Variants in SOX6 observed in about 807,000 individuals in gnomAD.
The protein encoded by SOX6 is transcription factor SOX-6.
SOX6 carries 11 observed loss-of-function variants against 97.8 expected under a neutral mutation model. The observed-to-expected ratio is 0.11, with a 90% CI of 0.07 to 0.19. SOX6 has a LOEUF of 0.19. Ranked by LOEUF, SOX6 falls within the 10% of genes least tolerant of loss-of-function variation. The pLI, the probability that SOX6 is intolerant of heterozygous loss-of-function variation, is 1.00. For missense variants in SOX6, 810 were observed against 1,039.5 expected (o/e 0.78, Z 3.04); for synonymous variants, 360 against 371.4 (o/e 0.97, Z 0.35).
At chr11:16,338,264 A>G (rs981489558) in intron 2 of SOX6, among the ~76,000 whole-genome samples, 5 of 152,064 alleles carry the variant, frequency 3.3e-5, no homozygotes, top group Non-Finnish European at 5.9e-5. Flanking sequence ...GATTTCATAA[A>G]CATGTTTTTG....
intron 1 of SOX6, chr11:16,408,683 T>C (rs1183045927): frequency 6.6e-6 from 1 of 151,900 alleles, no homozygotes; most frequent in East Asian, 1.9e-4. Context: ...AAATTACATG[T>C]GAAGCCACAC....
At chr11:16,506,922 G>A (rs2133148146) in intron 4 of SOX6, among the ~76,000 whole-genome samples, 1 of 152,214 alleles carries the variant, frequency 6.6e-6, no homozygotes, top group Middle Eastern at 3.4e-3. Context: ...AAAGTAGCCA[G>A]GCATGGTGGC....
intron 13 of SOX6, among the ~76,000 whole-genome samples, chr11:15,991,377 G>A (rs184543975): frequency 2.0e-5 from 3 of 152,230 alleles, no homozygotes; most frequent in Admixed American, 1.3e-4. Context: ...CTGACTGCTG[G>A]GCCAGATGAA....
At chr11:16,680,146 A>T (rs1208471038) in intron 3 of SOX6, among the ~76,000 whole-genome samples, 1 of 152,168 alleles carries the variant, frequency 6.6e-6, no homozygotes, top group East Asian at 1.9e-4. Context: ...GCACCCCAAG[A>T]CACATAATTT....
In SOX6 at chr11:16,328,764, T is replaced by C. The variant is rs570952462; in HGVS notation, c.238-10111A>G. Among the ~76,000 whole-genome samples the C allele has an allele frequency of 5.9e-5, 9 of 152,310 alleles. No individual in the cohort carries two copies. In the East Asian group the frequency reaches 1.5e-3, roughly 26 times the overall value. ...CTGACAGAAAAGATTTCGGTTCCAA[T>C]AACTTCTTGCTAACAAAGGAAATCT... On this transcript the variant is annotated intron_variant, in intron 2 of 15. Transcript: ENST00000683767.
chr11:16,100,008 G>A (rs1848903430), intron 7 of SOX6, among the ~76,000 whole-genome samples: 1 of 151,740 alleles, frequency 6.6e-6, no homozygotes, highest in South Asian at 2.1e-4. Flanking sequence ...ACAAGGACAA[G>A]GCAGGAGGGG....
chr11:15,984,977 T>C (rs1014048830), intron 15 of SOX6, among the ~76,000 whole-genome samples: 5 of 152,158 alleles, frequency 3.3e-5, no homozygotes, highest in Non-Finnish European at 7.3e-5. Flanking sequence ...ATTTTACACA[T>C]GAGAAAACAA....
chr11:16,053,317 G>A (rs997711359), intron 10 of SOX6, among the ~76,000 whole-genome samples: 1 of 152,116 alleles, frequency 6.6e-6, no homozygotes, highest in Non-Finnish European at 1.5e-5. Context: ...TAAGCTGGAA[G>A]AGTAAATCTG....
chr11:16,655,971 TA>T (rs112093833), intron 3 of SOX6, among the ~76,000 whole-genome samples: 55 of 144,610 alleles, frequency 3.8e-4, no homozygotes, highest in African/African-American at 6.3e-4. Flanking sequence ...CCTGTCTCAT[TA>T]AAAAAAAAAA....
At chr11:16,357,509 A>G (rs1283997516), upstream of SOX6, among the ~76,000 whole-genome samples, 4 of 152,156 alleles carry the variant, frequency 2.6e-5, no homozygotes, top group African/African-American at 4.8e-5. Context: ...TTAAAGACGT[A>G]TGTCTTTTCA....
At chr11:16,481,690 A>G (rs930512397) in intron 4 of SOX6, among the ~76,000 whole-genome samples, 4 of 152,176 alleles carry the variant, frequency 2.6e-5, no homozygotes, top group African/African-American at 4.8e-5. Flanking sequence ...TTACAATAGC[A>G]TGGTTGCATG....
At chr11:16,480,320 C>T (rs891433076), upstream of SOX6, among the ~76,000 whole-genome samples, 1 of 152,002 alleles carries the variant, frequency 6.6e-6, no homozygotes, top group Non-Finnish European at 1.5e-5. Context: ...CAGTATATCA[C>T]TTAGACATTC....
At chr11:16,276,598 C>T (rs906855905) in intron 3 of SOX6, among the ~76,000 whole-genome samples, 5 of 152,290 alleles carry the variant, frequency 3.3e-5, no homozygotes, top group African/African-American at 1.2e-4. Flanking sequence ...CCACTGCTCC[C>T]TCTTACAGAA....
At chr11:16,280,378 T>G (rs1472153661) in intron 3 of SOX6, among the ~76,000 whole-genome samples, 1 of 6,962 alleles carries the variant, frequency 1.4e-4, no homozygotes, top group East Asian at 4.5e-3. Context: ...TTATTTGAGC[T>G]TTTTTTTTTT....
At chr11:16,195,480 G>A (rs1164608261) in intron 4 of SOX6, among the ~76,000 whole-genome samples, 1 of 152,300 alleles carries the variant, frequency 6.6e-6, no homozygotes, top group East Asian at 1.9e-4. Flanking sequence ...ATGAAGAAAT[G>A]TACAACTTCT....
intron 3 of SOX6, among the ~76,000 whole-genome samples, chr11:16,306,613 T>TTTTTTTTTTTTTTC (rs1855442893): frequency 7.8e-6 from 1 of 128,494 alleles, no homozygotes; most frequent in East Asian, 2.3e-4. Flanking sequence ...TCAAATTTCT[T>TTTTTTTTTTTTTTC]TTTTTTTTTT....
At chr11:16,566,794 G>T (rs1227477576) in intron 4 of SOX6, among the ~76,000 whole-genome samples, 1 of 152,146 alleles carries the variant, frequency 6.6e-6, no homozygotes, top group Non-Finnish European at 1.5e-5. Context: ...TTAAACACGG[G>T]ACTTTCATAT....
intron 1 of SOX6, among the ~76,000 whole-genome samples, chr11:16,427,943 C>A (rs1286197528): frequency 1.3e-5 from 2 of 151,754 alleles, no homozygotes; most frequent in African/African-American, 4.9e-5. Context: ...TACAGTCCCA[C>A]CAACAGTGTA....
At chr11:16,375,553 A>C (rs1357853784) in intron 1 of SOX6, among the ~76,000 whole-genome samples, 3 of 151,940 alleles carry the variant, frequency 2.0e-5, no homozygotes, top group Non-Finnish European at 2.9e-5. Context: ...ATTCACTAAA[A>C]CTCTAAAGTT....
Sources: allele counts gnomAD v4.1 joint callset (sites outside exome capture counted in the v4.1 genomes callset), GRCh38; gene constraint gnomAD v4.1.1; transcripts MANE v1.5; gene names NCBI Gene and HGNC (gene_info 2026-07-23, HGNC 2026-07-21).